The following PTPRM variants were observed in gnomAD, a reference collection of about 807,000 sequenced individuals.
PTPRM encodes the protein protein tyrosine phosphatase receptor type M.
Under a neutral mutation model 186.7 loss-of-function variants are expected in PTPRM, and 47 were observed. The observed-to-expected ratio is 0.25, with a 90% CI of 0.20 to 0.32. The LOEUF is 0.32. Among genes scored for constraint, PTPRM ranks in the 10% least tolerant of loss-of-function variants. The pLI is 1.00. For missense variants in PTPRM, 1,494 were observed against 1,865.0 expected, an observed-to-expected ratio of 0.80 and a Z score of 3.66; for synonymous variants, 668 against 674.9, an observed-to-expected ratio of 0.99 and a Z score of 0.16.
intron 2 of PTPRM, among the ~76,000 whole-genome samples, chr18:7,797,079 C>A (rs532062477): frequency 6.6e-6 from 1 of 152,302 alleles, no homozygotes; most frequent in Admixed American, 6.5e-5. Context: ...ATGTACCTGT[C>A]CTTTTTCACC....
At chr18:8,156,032 A>G (rs949248746) in intron 14 of PTPRM, among the ~76,000 whole-genome samples, 2 of 152,202 alleles carry the variant, frequency 1.3e-5, no homozygotes, top group African/African-American at 2.4e-5. Flanking sequence ...GGAACAGGCC[A>G]TATGTGCACA....
intron 13 of PTPRM, among the ~76,000 whole-genome samples, chr18:8,128,504 C>A (rs964012797): frequency 2.0e-5 from 3 of 152,098 alleles, no homozygotes; most frequent in African/African-American, 2.4e-5. Flanking sequence ...AAATTTTATT[C>A]TTTCTGCAAT....
intron 11 of PTPRM, among the ~76,000 whole-genome samples, chr18:8,107,278 C>A (rs752276695): frequency 1.3e-5 from 2 of 152,144 alleles, no homozygotes; most frequent in African/African-American, 4.8e-5. Flanking sequence ...CTAATTTACT[C>A]GAAATGTGGT....
intron 1 of PTPRM, among the ~76,000 whole-genome samples, chr18:7,721,694 TGAAAA>T (rs2040449836): frequency 6.6e-6 from 1 of 152,194 alleles, no homozygotes; most frequent in Non-Finnish European, 1.5e-5. Context: ...TACCGTTTGT[TGAAAA>T]GACTGTTCTT....
chr18:7,625,810 C>T (rs977250581), intron 1 of PTPRM, among the ~76,000 whole-genome samples: 12 of 152,238 alleles, frequency 7.9e-5, no homozygotes, highest in African/African-American at 2.9e-4. Context: ...GCTGGGATTA[C>T]AGGCGTGAGC....
At chr18:8,225,014 C>T (rs1028400711) in intron 14 of PTPRM, among the ~76,000 whole-genome samples, 3 of 152,214 alleles carry the variant, frequency 2.0e-5, no homozygotes, top group African/African-American at 4.8e-5. Context: ...AGTTCCACAT[C>T]AGCCCTTCAC....
chr18:7,737,289 G>T (rs1019199212), intron 1 of PTPRM, among the ~76,000 whole-genome samples: 2 of 149,646 alleles, frequency 1.3e-5, no homozygotes, highest in East Asian at 4.0e-4. Flanking sequence ...TGGTGACGGG[G>T]TTTTACCATG....
In PTPRM at chr18:7,788,486, T is replaced by A. The variant is rs76591022; in HGVS notation, c.196+14215T>A. 4.3e-3 allele frequency among the ~76,000 whole-genome samples: 651 copies of A among 152,286 alleles called. 8 individuals carry two copies. Among genetic ancestry groups the A allele is most frequent in the African/African-American group, 0.014 (596 of 41,562 alleles). On this transcript the variant is annotated intron_variant, in intron 2 of 32. Coordinates refer to ENST00000580170, the MANE Select transcript of PTPRM (RefSeq NM_001105244.2). ...GGAGAAAGTGAAATATTAAAACATA[T>A]ATGAGTGAGCTTATCTAAGTTCCAT...
chr18:8,387,569 G>A (rs1399729065), intron 31 of PTPRM, among the ~76,000 whole-genome samples: 2 of 151,606 alleles, frequency 1.3e-5, no homozygotes, highest in Admixed American at 6.6e-5. Flanking sequence ...TCTGAGCTGG[G>A]TCTTCAACTG....
At chr18:8,368,719 G>T (rs1000523503) in intron 23 of PTPRM, among the ~76,000 whole-genome samples, 2 of 152,188 alleles carry the variant, frequency 1.3e-5, no homozygotes, top group African/African-American at 4.8e-5. Context: ...GGTCCTCTCA[G>T]CTCAGATTTC....
At chr18:8,083,396 T>A (rs1347257519) in intron 9 of PTPRM, among the ~76,000 whole-genome samples, 1 of 152,092 alleles carries the variant, frequency 6.6e-6, no homozygotes, top group Non-Finnish European at 1.5e-5. Flanking sequence ...TTCACTGCCT[T>A]AGTTCCTACT....
intron 1 of PTPRM, among the ~76,000 whole-genome samples, chr18:7,659,058 A>G (rs1429037887): frequency 6.6e-6 from 1 of 151,652 alleles, no homozygotes; most frequent in East Asian, 1.9e-4. Context: ...CCTGGTTGCT[A>G]ATGAGTTCTT....
intron 14 of PTPRM, among the ~76,000 whole-genome samples, chr18:8,176,507 T>C (rs1487449711): frequency 6.6e-6 from 1 of 152,230 alleles, no homozygotes; most frequent in Non-Finnish European, 1.5e-5. Context: ...TATACATATG[T>C]AGGATTCAGT....
chr18:8,369,769 A>T (rs888752369), intron 23 of PTPRM, among the ~76,000 whole-genome samples: 2 of 152,128 alleles, frequency 1.3e-5, no homozygotes, highest in Non-Finnish European at 2.9e-5. Flanking sequence ...CTGGCAGCAT[A>T]GCAAGACCCC....
intron 13 of PTPRM, among the ~76,000 whole-genome samples, chr18:8,123,840 A>G (rs930935072): frequency 3.9e-5 from 6 of 152,224 alleles, no homozygotes; most frequent in African/African-American, 9.6e-5. Context: ...CCCCAGACTC[A>G]TCAGTACATT....
At chr18:8,339,976 T>A (rs762413066) in intron 22 of PTPRM, among the ~76,000 whole-genome samples, 1 of 151,656 alleles carries the variant, frequency 6.6e-6, no homozygotes, top group Non-Finnish European at 1.5e-5. Flanking sequence ...CCCTATTTTC[T>A]ACCCTCAAAA....
chr18:8,070,620 T>C (rs184819627), intron 8 of PTPRM, among the ~76,000 whole-genome samples: 7 of 152,304 alleles, frequency 4.6e-5, no homozygotes, highest in Non-Finnish European at 8.8e-5. Context: ...GAAACCTCCA[T>C]AGTAATTTAA....
At chr18:8,301,974 G>A (rs1286526064) in intron 20 of PTPRM, among the ~76,000 whole-genome samples, 1 of 152,246 alleles carries the variant, frequency 6.6e-6, no homozygotes, top group Non-Finnish European at 1.5e-5. Flanking sequence ...AGGCTGTGCT[G>A]CCGGAGCAGC....
At position 7,690,967 on chromosome 18, in the gene PTPRM, G is replaced by A. The variant is rs200722267; in HGVS notation, c.74-83182G>A. 9.2e-5 allele frequency among the ~76,000 whole-genome samples: 14 copies of A among 152,146 alleles called. No homozygotes were observed. The East Asian group carries it at 2.5e-3, about 27-fold the overall frequency. ...GGAATTTTAATGGAATGTGAAACAT[G>A]CCATTACAATAGATTTCAAAAGCTT... On this transcript the variant is annotated intron_variant, in intron 1 of 32. Coordinates refer to ENST00000580170, the MANE Select transcript of PTPRM (RefSeq NM_001105244.2).
Sources: allele counts gnomAD v4.1 joint callset (sites outside exome capture counted in the v4.1 genomes callset), GRCh38; gene constraint gnomAD v4.1.1; transcripts MANE v1.5; gene names NCBI Gene and HGNC (gene_info 2026-07-23, HGNC 2026-07-21).